BUB1B: variants seen among roughly 807,000 people sequenced by gnomAD.
BUB1B encodes the protein BUB1 mitotic checkpoint serine/threonine kinase B, also known as mitotic checkpoint serine/threonine-protein kinase BUB1 beta.
BUB1B carries 86 observed loss-of-function variants against 137.7 expected under a neutral mutation model. That is an observed-to-expected ratio of 0.62 (90% CI 0.52 to 0.75). The LOEUF (loss-of-function observed/expected upper bound fraction) is 0.75. Ranked by LOEUF, BUB1B falls within the 30% of genes least tolerant of loss-of-function variation. The pLI, the probability that BUB1B is intolerant of heterozygous loss-of-function variation, is 0.00. For missense variants in BUB1B, 1,130 were observed against 1,236.9 expected (o/e 0.91, Z 1.30); for synonymous variants, 420 against 417.9 (o/e 1.00, Z -0.06).
chr15:40,175,874 C>T (rs908179934), intron 4 of BUB1B, among the ~76,000 whole-genome samples: 8 of 152,138 alleles, frequency 5.3e-5, no homozygotes, highest in African/African-American at 1.9e-4. Context: ...ATACCCTTCC[C>T]TTCCCATTTT....
At chr15:40,168,300 G>A (rs925953553) in intron 2 of BUB1B, among the ~76,000 whole-genome samples, 13 of 152,134 alleles carry the variant, frequency 8.5e-5, no homozygotes, top group Admixed American at 8.5e-4. Flanking sequence ...CTAGGAGGTG[G>A]AGGTTGCAGT....
chr15:40,200,980 G>A lies in BUB1B; in HGVS notation c.1567G>A (p.Gly523Ser), dbSNP rs748132037. The change falls in exon 12 of 23, where the codon GGT becomes AGT. Residue 523 changes from glycine to serine, a missense_variant and splice_region_variant. By Grantham distance (56) the Gly-to-Ser change is moderately conservative (BLOSUM62 0). Transcript: ENST00000287598. ...TTGGCAGGAACAACCTCATTCTAAA[G>A]GTGAGTTGTATTTGACAGCCTTGAG... Reference protein sequence around the residue: ...NIWQEQPHSKGPSVPFSIFDE... With the variant: ...NIWQEQPHSKSPSVPFSIFDE... 1 of 1,612,952 alleles carries A rather than the reference G, an allele frequency of 6.2e-7. No homozygotes were observed. Among genetic ancestry groups the A allele is most frequent in the Non-Finnish European group, 8.5e-7 (1 of 1,179,260 alleles).
chr15:40,220,779 C>T lies in BUB1B; in HGVS notation c.*20C>T, dbSNP rs2037893277. On this transcript the variant is annotated 3_prime_UTR_variant, in exon 23 of 23. Transcript: ENST00000287598. ...CAGTGAGCTAGGCAATCAAGTCTCA[C>T]AGATTGCTGCCTCAGAGCAATGGTT... is the stretch of plus-strand genomic sequence containing the variant. 1 of 1,607,580 alleles carries T rather than the reference C, an allele frequency of 6.2e-7. No individual in the cohort carries two copies. The highest frequency in any genetic ancestry group is 8.5e-7 in the Non-Finnish European group (1 of 1,174,046).
chr15:40,170,592 T>A lies in BUB1B; in HGVS notation c.295T>A (p.Ser99Thr). 3.7e-6 allele frequency: 6 copies of A among 1,613,020 alleles called. No homozygotes were observed. The highest frequency in any genetic ancestry group is 5.1e-6 in the Non-Finnish European group (6 of 1,179,016). Reference sequence around the variant, plus strand: ...TCAAGGTGGGAAGGAGAGTAATATGTCAACGTTATTAGAAAGAGCTGTAGA... The same window carrying A: ...TCAAGGTGGGAAGGAGAGTAATATGACAACGTTATTAGAAAGAGCTGTAGA... ...YPQGGKESNM[S>T]TLLERAVEAL... The change falls in exon 4 of 23, where the codon TCA becomes ACA. Residue 99 changes from serine (S) to threonine (T), a missense_variant. By Grantham distance (58) the Ser-to-Thr change is moderately conservative. Coordinates refer to ENST00000287598, the MANE Select transcript of BUB1B (RefSeq NM_001211.6).
At chr15:40,192,811 A>G (rs1038889875) in intron 8 of BUB1B, among the ~76,000 whole-genome samples, 1 of 152,212 alleles carries the variant, frequency 6.6e-6, no homozygotes, top group African/African-American at 2.4e-5. Context: ...TTGGTGACTT[A>G]CAAGTTTTAG....
chr15:40,179,340 C>T (rs1329011427), intron 5 of BUB1B, among the ~76,000 whole-genome samples: 4 of 152,108 alleles, frequency 2.6e-5, no homozygotes, highest in African/African-American at 9.7e-5. Flanking sequence ...GTTGTTTGCA[C>T]CTTCTGGCTA....
In BUB1B at chr15:40,211,875, T is replaced by A. The variant is rs373437788; in HGVS notation, c.2386-624T>A. ...TTTGCTCTTGTCACCCTGGCTGGAG[T>A]GCAATGGCATGATTTTGGCTCACTG... On this transcript the variant is annotated intron_variant, in intron 18 of 22. Coordinates refer to ENST00000287598, the MANE Select transcript of BUB1B (RefSeq NM_001211.6). 9.0e-4 allele frequency among the ~76,000 whole-genome samples: 136 copies of A among 151,750 alleles called. 1 individual carries two copies. The highest frequency in any genetic ancestry group is 3.2e-3 in the African/African-American group (132 of 41,378).
chr15:40,216,563 ATATATATAT>A (rs1229138610), intron 20 of BUB1B, among the ~76,000 whole-genome samples: 6 of 91,944 alleles, frequency 6.5e-5, no homozygotes, highest in Non-Finnish European at 1.1e-4. Context: ...ATATATATAT[ATATATATAT>A]TTTTTTTTTT....
chr15:40,185,297 G>GGAT lies in BUB1B; in HGVS notation c.885_887dup (p.Trp295_Ile296insMet). The stretch of plus-strand genomic sequence containing the variant: ...TTGTCTAAGCCTACAGTCCAGCCAT[G>GGAT]GATAGCACCCCCCATGCCCAGGGCC... On this transcript the variant is annotated inframe_insertion, in exon 7 of 23. Coordinates refer to ENST00000287598, the MANE Select transcript of BUB1B (RefSeq NM_001211.6). 6.2e-7 allele frequency: 1 copy of GGAT among 1,614,172 alleles called. No individual in the cohort carries two copies. The highest frequency in any genetic ancestry group is 8.5e-7 in the Non-Finnish European group (1 of 1,180,036).
In BUB1B at chr15:40,164,263, C is replaced by G. The variant is rs571903263; in HGVS notation, c.36-790C>G. On this transcript the variant is annotated intron_variant, in intron 1 of 22. Transcript: ENST00000287598. Reference sequence around the variant, plus strand: ...TTTTTTTTTGAGACAGGGTCTTGCTCTGTTGCCCAGGCTGCAGTGCAGTGG... The same window carrying G: ...TTTTTTTTTGAGACAGGGTCTTGCTGTGTTGCCCAGGCTGCAGTGCAGTGG... Among the ~76,000 whole-genome samples, 7 of 152,044 alleles carry G rather than the reference C, an allele frequency of 4.6e-5. No individual in the cohort carries two copies. The South Asian group carries it at 1.0e-3, about 23-fold the overall frequency.
chr15:40,220,545 TG>T lies in BUB1B; in HGVS notation c.2958-17del, dbSNP rs1566831691. On this transcript the variant is annotated intron_variant, in intron 22 of 22. Transcript: ENST00000287598. ...TTCATATGCCTAATCTTGATGGAAA[TG>T]GTTTTATATATTTTTAGGCTAAAAG... The T allele has an allele frequency of 1.2e-6, 2 of 1,612,344 alleles. No homozygotes were observed. Among genetic ancestry groups the T allele is most frequent in the Non-Finnish European group, 1.7e-6 (2 of 1,178,420 alleles).
At chr15:40,220,407 T>G (rs1430821154) in intron 22 of BUB1B, among the ~76,000 whole-genome samples, 157 bp from the exon 23 acceptor site, 1 of 152,226 alleles carries the variant, frequency 6.6e-6, no homozygotes, top group Non-Finnish European at 1.5e-5. Context: ...AGTTCTTCCC[T>G]GGGCTTTCAA....
Position 40,183,738 on chromosome 15 carries a change from G to A in BUB1B, c.606G>A (p.Arg202=). The part of the protein sequence containing the change: ...QHRQFQARVS[R]QTLLALEKEE... ...GACAATTCCAAGCTCGAGTGTCTCG[G>A]CAAACTCTGTTGGCACTTGAGAAAG... Residue 202 remains arginine, a synonymous_variant, in exon 6 of 23, where the codon CGG becomes CGA. Transcript: ENST00000287598. The A allele has an allele frequency of 2.5e-6, 4 of 1,614,006 alleles. No individual in the cohort carries two copies. The highest frequency in any genetic ancestry group is 3.4e-6 in the Non-Finnish European group (4 of 1,179,958).
At position 40,210,215 on chromosome 15, in the gene BUB1B, G is replaced by A. The variant is rs771411898; in HGVS notation, c.2385+5G>A. 1 of 1,575,902 alleles carries A rather than the reference G, an allele frequency of 6.3e-7. No individual in the cohort carries two copies. Reference sequence around the variant, plus strand: ...GCAGAATTAACAGTAATAAAGGTGGGACTGATTCTTTATAATTTCAGTTAC... The same window carrying A: ...GCAGAATTAACAGTAATAAAGGTGGAACTGATTCTTTATAATTTCAGTTAC... On this transcript the variant is annotated splice_donor_5th_base_variant and intron_variant, in intron 18 of 22. Coordinates refer to ENST00000287598, the MANE Select transcript of BUB1B (RefSeq NM_001211.6).
At position 40,170,714 on chromosome 15, in the gene BUB1B, A is replaced by C. The variant is rs200649885; in HGVS notation, c.384+33A>C. On this transcript the variant is annotated intron_variant, in intron 4 of 22. Transcript: ENST00000287598. ...TTTCTCAAGTGCCATCTGAGTTTTA[A>C]ATATTAAACTAAGAGATTTTCTCTA... 2,036 of 1,603,522 alleles carry C rather than the reference A, an allele frequency of 1.3e-3. 30 individuals are homozygous for C. In the South Asian group the frequency reaches 0.014, roughly 11 times the overall value.
Position 40,220,955 on chromosome 15 carries a change from A to G in BUB1B, c.*196A>G. 1.6e-6 allele frequency: 1 copy of G among 627,034 alleles called. No individual in the cohort carries two copies. The highest frequency in any genetic ancestry group is 2.8e-6 in the Non-Finnish European group (1 of 354,826). 38.8% of individuals were successfully genotyped at this position (627,034 alleles called of 1,614,324 possible). On this transcript the variant is annotated 3_prime_UTR_variant, in exon 23 of 23. Transcript: ENST00000287598. ...GATATACTTACTCATGGCCTTGTCT[A>G]ACTTTTGTGAAGAACTATTTTATTC...
intron 8 of BUB1B, among the ~76,000 whole-genome samples, chr15:40,186,430 CTTT>C (rs769074759): frequency 4.5e-5 from 3 of 67,360 alleles, no homozygotes; most frequent in East Asian, 5.1e-4. Context: ...TTGCCTAGTT[CTTT>C]TTTTTTTTTT....
At chr15:40,218,676 G>A in intron 22 of BUB1B, 114 bp downstream of exon 22, 1 of 795,628 alleles carries the variant, frequency 1.3e-6, no homozygotes, top group Non-Finnish European at 2.2e-6. Flanking sequence ...CATGGTTCCA[G>A]TAGTTTCAGC....
At chr15:40,194,994 T>A (rs1458247288) in intron 8 of BUB1B, among the ~76,000 whole-genome samples, 1 of 152,204 alleles carries the variant, frequency 6.6e-6, no homozygotes, top group Non-Finnish European at 1.5e-5. Flanking sequence ...TCCTTTTTTT[T>A]ACATTTCAAT....
Sources: allele counts gnomAD v4.1 joint callset (sites outside exome capture counted in the v4.1 genomes callset), GRCh38; gene constraint gnomAD v4.1.1; transcripts MANE v1.5; gene names NCBI Gene and HGNC (gene_info 2026-07-23, HGNC 2026-07-21).